Variants in GLS observed in about 807,000 individuals in gnomAD.
The protein encoded by GLS is glutaminase.
GLS carries 36 observed loss-of-function variants against 86.7 expected under a neutral mutation model. That is an observed-to-expected ratio of 0.42 (90% CI 0.32 to 0.55). The LOEUF (loss-of-function observed/expected upper bound fraction) is 0.55. GLS is among the 20% of genes least tolerant of loss of function. The pLI, the probability that GLS is intolerant of heterozygous loss-of-function variation, is 0.17. For missense variants in GLS, 528 were observed against 833.4 expected, an observed-to-expected ratio of 0.63 and a Z score of 4.51; for synonymous variants, 317 against 305.9, an observed-to-expected ratio of 1.04 and a Z score of -0.38.
intron 6 of GLS, among the ~76,000 whole-genome samples, chr2:190,906,511 A>C (rs1440712810): frequency 1.3e-5 from 2 of 152,220 alleles, no homozygotes; most frequent in Non-Finnish European, 2.9e-5. Flanking sequence ...ATAAGAAAAA[A>C]TGACAAATCA....
In GLS at chr2:190,913,273, A is replaced by C; in HGVS notation, c.1038+2952A>C. 6 of 1,300,042 alleles carry C rather than the reference A, an allele frequency of 4.6e-6. No homozygotes were observed. The highest frequency in any genetic ancestry group is 6.1e-6 in the Non-Finnish European group (6 of 987,572). The allele number at this position is 1,300,042 out of a possible 1,614,324, so 80.5% of individuals were successfully genotyped here. A position where few individuals can be genotyped will look rare whatever the true frequency, so the allele number is the denominator to read the frequency against. On this transcript the variant is annotated intron_variant, in intron 7 of 17. Transcript: ENST00000320717. The surrounding 1 kb of genome is among the most constrained non-coding windows in gnomAD (Gnocchi z 6.1). ...ATTAGCAGATTGTGGAAAAAAGGAG[A>C]ATTTGGACAGAAGGAGCCTGTTGCA...
Position 190,953,442 on chromosome 2 carries a change from T to G in GLS, c.1651-123T>G. 1 of 679,966 alleles carries G rather than the reference T, an allele frequency of 1.5e-6. No homozygotes were observed. The highest frequency in any genetic ancestry group is 2.5e-5 in the East Asian group (1 of 39,754). 42.1% of individuals were successfully genotyped at this position (679,966 alleles called of 1,614,324 possible). ...TTTGGCTATGGAAGTGTCCTTGAGA[T>G]CACTTTTTGCACGTGACTCAGCTGA... is the stretch of plus-strand genomic sequence containing the variant. On this transcript the variant is annotated intron_variant, in intron 14 of 17. Coordinates refer to ENST00000320717, the MANE Select transcript of GLS (RefSeq NM_014905.5). This position sits in a 1 kb window ranked among gnomAD's most constrained non-coding sequence, Gnocchi z 4.0.
rs1689732871 is a variant in GLS, at chr2:190,921,438, C to T, written c.1130+235C>T. 6.6e-6 allele frequency among the ~76,000 whole-genome samples: 1 copy of T among 151,930 alleles called. No homozygotes were observed. The highest frequency in any genetic ancestry group is 2.1e-4 in the South Asian group (1 of 4,834). On this transcript the variant is annotated intron_variant, in intron 9 of 17. Coordinates refer to ENST00000320717, the MANE Select transcript of GLS (RefSeq NM_014905.5). This position sits in a 1 kb window ranked among gnomAD's most constrained non-coding sequence, Gnocchi z 4.2. ...TCAGTTTTATCTTTGCTTGTAATAC[C>T]TGTCTTACCTCTCTTCTATTTCTGT... is the stretch of plus-strand genomic sequence containing the variant.
intron 6 of GLS, among the ~76,000 whole-genome samples, chr2:190,908,446 A>G (rs1689236948): frequency 6.6e-6 from 1 of 152,158 alleles, no homozygotes; most frequent in Admixed American, 6.5e-5. Flanking sequence ...ACTTGTTAAA[A>G]TTGATCTTTT....
rs920609193 is a variant in GLS at position 190,921,720 on chromosome 2, C to T, written c.1130+517C>T. On this transcript the variant is annotated intron_variant, in intron 9 of 17. Coordinates refer to ENST00000320717, the MANE Select transcript of GLS (RefSeq NM_014905.5). This position sits in a 1 kb window ranked among gnomAD's most constrained non-coding sequence, Gnocchi z 4.2. Reference sequence around the variant, plus strand: ...AAATTAAGTTGCAGGCATCATACTTCACCCTTAGATAAGAAAGCACATACA... The same window carrying T: ...AAATTAAGTTGCAGGCATCATACTTTACCCTTAGATAAGAAAGCACATACA... 6.6e-6 allele frequency among the ~76,000 whole-genome samples: 1 copy of T among 151,762 alleles called. No individual in the cohort carries two copies. Among genetic ancestry groups the T allele is most frequent in the African/African-American group, 2.4e-5 (1 of 41,352 alleles).
At position 190,954,715 on chromosome 2, in the gene GLS, T is replaced by C. The variant is rs761599952; in HGVS notation, c.1790-40T>C. ...CTTTCCAGATTTAATTTCTACTTAGTACTAAAATCTGCTCTTTTTTTGGGG... is the reference window on the plus strand; with the variant it reads ...CTTTCCAGATTTAATTTCTACTTAGCACTAAAATCTGCTCTTTTTTTGGGG... On this transcript the variant is annotated intron_variant, in intron 16 of 17. Transcript: ENST00000320717. The surrounding 1 kb of genome is among the most constrained non-coding windows in gnomAD (Gnocchi z 4.0). The C allele has an allele frequency of 6.2e-7, 1 of 1,610,874 alleles. No homozygotes were observed. Among genetic ancestry groups the C allele is most frequent in the Non-Finnish European group, 8.5e-7 (1 of 1,177,028 alleles).
In GLS at chr2:190,956,216, T is replaced by C. The variant is rs1452342620; in HGVS notation, c.1853+1398T>C. 6.6e-6 allele frequency among the ~76,000 whole-genome samples: 1 copy of C among 152,206 alleles called. No homozygotes were observed. Among genetic ancestry groups the C allele is most frequent in the African/African-American group, 2.4e-5 (1 of 41,436 alleles). On this transcript the variant is annotated intron_variant, in intron 17 of 17. Transcript: ENST00000320717. The surrounding 1 kb of genome is among the most constrained non-coding windows in gnomAD (Gnocchi z 4.2). ...TTGCCCATGCCTATGTCCTGAATGG[T>C]ATTGCCTAGGTTTTCTTCTAGGGTT...
rs200342185 is a variant in GLS at position 190,926,189 on chromosome 2, C to T, written c.1249-1117C>T. On this transcript the variant is annotated intron_variant, in intron 11 of 17. Transcript: ENST00000320717. The stretch of plus-strand genomic sequence containing the variant: ...AAATTAAGAATGTGCTGCCTTATGA[C>T]AAACAAAATTCCAATTAATGTTAAG... 1.1e-4 allele frequency among the ~76,000 whole-genome samples: 17 copies of T among 152,198 alleles called. No individual in the cohort carries two copies. The East Asian group carries it at 2.5e-3, about 22-fold the overall frequency.
intron 14 of GLS, among the ~76,000 whole-genome samples, chr2:190,937,218 A>T (rs1461637401): frequency 1.3e-5 from 2 of 151,394 alleles, no homozygotes; most frequent in Non-Finnish European, 3.0e-5. Flanking sequence ...TTCAAATTGT[A>T]ACAAAGTTAA....
chr2:190,908,029 G>T (rs1370320757), intron 6 of GLS, among the ~76,000 whole-genome samples: 1 of 152,126 alleles, frequency 6.6e-6, no homozygotes, highest in East Asian at 1.9e-4. Context: ...ATTGTGGATG[G>T]TTGGGAAGAA....
At chr2:190,934,288 A>G in intron 14 of GLS, 2 of 960,478 alleles carry the variant, frequency 2.1e-6, no homozygotes, top group Non-Finnish European at 2.5e-6. Context: ...AAGATAGAAA[A>G]TCTTGATCAT....
At chr2:190,944,733 G>C (rs1690537694) in intron 14 of GLS, among the ~76,000 whole-genome samples, 1 of 151,964 alleles carries the variant, frequency 6.6e-6, no homozygotes, top group Admixed American at 6.6e-5. Context: ...TTATTTATTT[G>C]CTGCCAGTAG....
rs199622994 is a variant in GLS, at chr2:190,924,493, T to C, written c.1198-50T>C. The C allele has an allele frequency of 1.4e-5, 13 of 907,424 alleles. No individual in the cohort carries two copies. Among genetic ancestry groups the C allele is most frequent in the Admixed American group, 5.1e-5 (3 of 58,420 alleles). 56.2% of individuals were successfully genotyped at this position (907,424 alleles called of 1,614,324 possible). On this transcript the variant is annotated intron_variant, in intron 10 of 17. Transcript: ENST00000320717. This position sits in a 1 kb window ranked among gnomAD's most constrained non-coding sequence, Gnocchi z 5.2. ...AATTTTTCATATATTTCTCTACTTATGTGCATTCCTGTGTGCCTGAATTTT... is the reference window on the plus strand; with the variant it reads ...AATTTTTCATATATTTCTCTACTTACGTGCATTCCTGTGTGCCTGAATTTT...
chr2:190,918,909 AACATTTATAGGTTAAGTTGGCCATCTTAT>A (rs765190830), intron 7 of GLS, among the ~76,000 whole-genome samples: 9 of 152,202 alleles, frequency 5.9e-5, no homozygotes, highest in Non-Finnish European at 8.8e-5. Context: ...GAACATATAC[AACATTTATAGGTTAAGTTGGCCATCTTAT>A]ATGGACATGG....
chr2:190,923,232 T>G (rs1456898746), intron 9 of GLS, among the ~76,000 whole-genome samples: 3 of 152,204 alleles, frequency 2.0e-5, no homozygotes, highest in Non-Finnish European at 4.4e-5. Flanking sequence ...GCCCTCAGGC[T>G]TTTGTTTTGT....
rs1690613532 is a variant in GLS at position 190,947,723 on chromosome 2, T to C, written c.1651-5842T>C. 6.6e-6 allele frequency among the ~76,000 whole-genome samples: 1 copy of C among 152,224 alleles called. No homozygotes were observed. Among genetic ancestry groups the C allele is most frequent in the Non-Finnish European group, 1.5e-5 (1 of 68,030 alleles). On this transcript the variant is annotated intron_variant, in intron 14 of 17. Transcript: ENST00000320717. This position sits in a 1 kb window ranked among gnomAD's most constrained non-coding sequence, Gnocchi z 5.0. Reference sequence around the variant, plus strand: ...TCCTTGACAGGTATTTTAAAATCAATGTAACTCAAGTATCCAGTGGGGAAA... The same window carrying C: ...TCCTTGACAGGTATTTTAAAATCAACGTAACTCAAGTATCCAGTGGGGAAA...
At position 190,895,587 on chromosome 2, in the gene GLS, T is replaced by C. The variant is rs1331856989; in HGVS notation, c.484-17T>C. On this transcript the variant is annotated splice_polypyrimidine_tract_variant and intron_variant, in intron 2 of 17. Transcript: ENST00000320717. This position sits in a 1 kb window ranked among gnomAD's most constrained non-coding sequence, Gnocchi z 4.2. ...TTTGCACTATATATTTACAAACTCT[T>C]ATTTTTTTAAAAACAGGCACTCAAA... is the stretch of plus-strand genomic sequence containing the variant. The C allele has an allele frequency of 6.4e-7, 1 of 1,570,848 alleles. No homozygotes were observed. Among genetic ancestry groups the C allele is most frequent in the Admixed American group, 1.7e-5 (1 of 58,206 alleles).
chr2:190,905,041 C>A lies in GLS; in HGVS notation c.853C>A (p.Gln285Lys). 1 of 1,601,626 alleles carries A rather than the reference C, an allele frequency of 6.2e-7. No individual in the cohort carries two copies. Among genetic ancestry groups the A allele is most frequent in the Non-Finnish European group, 8.6e-7 (1 of 1,168,826 alleles). Residue 285 changes from glutamine (Q) to lysine (K), a missense_variant, in exon 6 of 18, where the codon CAG becomes AAG. Coordinates refer to ENST00000320717, the MANE Select transcript of GLS (RefSeq NM_014905.5). The surrounding 1 kb of genome is among the most constrained non-coding windows in gnomAD (Gnocchi z 4.6). ...TGDTKVPFCL[Q>K]SCVKPLKYAI... ...AGATACCAAAGTTCCCTTCTGTCTT[C>A]AGTCCTGTGTAAAACCTTTGAAATA... is the stretch of plus-strand genomic sequence containing the variant.
chr2:190,934,483 A>T, intron 14 of GLS: 1 of 980,008 alleles, frequency 1.0e-6, no homozygotes, highest in Non-Finnish European at 1.2e-6. Flanking sequence ...GTTCAGATGC[A>T]TATCCTAACT....
Sources: allele counts gnomAD v4.1 joint callset (sites outside exome capture counted in the v4.1 genomes callset), GRCh38; gene constraint gnomAD v4.1.1; non-coding constraint Gnocchi (gnomAD v3.1); transcripts MANE v1.5; gene names NCBI Gene and HGNC (gene_info 2026-07-23, HGNC 2026-07-21).